The following SLCO2A1 variants were observed in gnomAD, a reference collection of about 807,000 sequenced individuals.
SLCO2A1 encodes solute carrier organic anion transporter family member 2A1.
SLCO2A1 carries 60 observed loss-of-function variants against 71.7 expected under a neutral mutation model. That is an observed-to-expected ratio of 0.84 (90% CI 0.68 to 1.04). The LOEUF is 1.04. Among genes scored for constraint, SLCO2A1 ranks in the 50% least tolerant of loss-of-function variants. The pLI is 0.00. For synonymous variants in SLCO2A1, 308 were observed against 326.7 expected, an observed-to-expected ratio of 0.94 and a Z score of 0.62; for missense variants, 745 against 813.4, an observed-to-expected ratio of 0.92 and a Z score of 1.02.
intron 3 of SLCO2A1, among the ~76,000 whole-genome samples, chr3:133,970,609 G>A (rs574714052): frequency 1.6e-4 from 25 of 152,320 alleles, no homozygotes; most frequent in African/African-American, 4.8e-4. Context: ...CAGCTAGATC[G>A]CATGGATGAG....
At chr3:133,957,016 G>C (rs1933914084) in intron 3 of SLCO2A1, among the ~76,000 whole-genome samples, 1 of 152,190 alleles carries the variant, frequency 6.6e-6, no homozygotes, top group East Asian at 1.9e-4. Context: ...CAAGGTTTTT[G>C]TAAATAAATA....
chr3:134,007,058 G>T (rs1023681248), intron 1 of SLCO2A1, among the ~76,000 whole-genome samples: 1 of 152,104 alleles, frequency 6.6e-6, no homozygotes, highest in African/African-American at 2.4e-5. Context: ...GTTTTGATTT[G>T]TATTTCTCTA....
At chr3:134,000,103 G>A (rs1431998501) in intron 1 of SLCO2A1, among the ~76,000 whole-genome samples, 1 of 152,226 alleles carries the variant, frequency 6.6e-6, no homozygotes, top group African/African-American at 2.4e-5. Context: ...ATTAGGAGAT[G>A]TGGGGGATGA....
intron 3 of SLCO2A1, among the ~76,000 whole-genome samples, chr3:133,957,123 G>A (rs912126899): frequency 6.6e-6 from 1 of 152,176 alleles, no homozygotes; most frequent in Non-Finnish European, 1.5e-5. Context: ...CAGTGGAGCT[G>A]AGTCTCTGCC....
intron 10 of SLCO2A1, among the ~76,000 whole-genome samples, chr3:133,943,745 C>T (rs1259291993): frequency 6.6e-6 from 1 of 152,216 alleles, no homozygotes; most frequent in South Asian, 2.1e-4. Context: ...ACAGAAGCCA[C>T]CACAACTGGA....
intron 8 of SLCO2A1, among the ~76,000 whole-genome samples, chr3:133,947,842 G>T (rs1301940202): frequency 6.6e-6 from 1 of 152,164 alleles, no homozygotes. Flanking sequence ...CCACAGCCAA[G>T]GACCAGCCAG....
chr3:133,942,635 G>T lies in SLCO2A1; in HGVS notation c.1595C>A (p.Ser532Tyr). 5 of 1,613,830 alleles carry T rather than the reference G, an allele frequency of 3.1e-6. No homozygotes were observed. Among genetic ancestry groups the T allele is most frequent in the Non-Finnish European group, 3.4e-6 (4 of 1,179,894 alleles). Reference protein sequence around the residue: ...ISFVSLIACISHNPLYMMVLR... With the variant: ...ISFVSLIACIYHNPLYMMVLR... ...AACCATCATGTAGAGGGGGTTGTGG[G>T]AGATGCAGGCTATCAGGGACACGAA... The change falls in exon 11 of 14, where the codon TCC becomes TAC. Residue 532 changes from serine (S) to tyrosine (Y), a missense_variant. By Grantham distance (144) the Ser-to-Tyr change is moderately radical. Coordinates refer to ENST00000310926, the MANE Select transcript of SLCO2A1 (RefSeq NM_005630.3).
intron 1 of SLCO2A1, among the ~76,000 whole-genome samples, chr3:134,000,326 T>A (rs1472841121): frequency 6.6e-6 from 1 of 152,010 alleles, no homozygotes; most frequent in East Asian, 1.9e-4. Flanking sequence ...CTCTCTTCAA[T>A]TCCACAGAGA....
chr3:134,009,303 A>G (rs947274657), intron 1 of SLCO2A1, among the ~76,000 whole-genome samples: 1 of 152,162 alleles, frequency 6.6e-6, no homozygotes, highest in Admixed American at 6.5e-5. Flanking sequence ...AATTTGGATC[A>G]TCTCTACATG....
chr3:134,021,546 G>A (rs1199468280), intron 1 of SLCO2A1, among the ~76,000 whole-genome samples: 1 of 151,920 alleles, frequency 6.6e-6, no homozygotes, highest in Non-Finnish European at 1.5e-5. Context: ...ATAAGTGGCT[G>A]GCAGAGGCAA....
intron 1 of SLCO2A1, among the ~76,000 whole-genome samples, chr3:134,007,341 T>G (rs1039002590): frequency 4.6e-5 from 7 of 152,224 alleles, no homozygotes; most frequent in Non-Finnish European, 8.8e-5. Context: ...AATTTATCTA[T>G]TTTAACTTTT....
rs142311084 is a variant in SLCO2A1 at position 133,945,336 on chromosome 3, G to A, written c.1296-76C>T. 1.0e-4 allele frequency: 146 copies of A among 1,401,962 alleles called. No homozygotes were observed. The South Asian group carries it at 1.6e-3, about 15-fold the overall frequency. 86.8% of individuals were successfully genotyped at this position (1,401,962 alleles called of 1,614,324 possible). On this transcript the variant is annotated intron_variant, in intron 9 of 13. Coordinates refer to ENST00000310926, the MANE Select transcript of SLCO2A1 (RefSeq NM_005630.3). Reference sequence around the variant, plus strand: ...AACCCTACACTCCAGCCCAGTGTGAGTTCCTGGCCTGGTGAGTGTGTCTGT... The same window carrying A: ...AACCCTACACTCCAGCCCAGTGTGAATTCCTGGCCTGGTGAGTGTGTCTGT...
intron 1 of SLCO2A1, among the ~76,000 whole-genome samples, chr3:133,985,443 C>T (rs928092205): frequency 1.3e-5 from 2 of 152,168 alleles, no homozygotes; most frequent in African/African-American, 4.8e-5. Flanking sequence ...TTTTATAAAA[C>T]ACCTTTGGTA....
At chr3:133,956,044 A>G (rs746259299) in intron 3 of SLCO2A1, among the ~76,000 whole-genome samples, 1 of 152,102 alleles carries the variant, frequency 6.6e-6, no homozygotes, top group Non-Finnish European at 1.5e-5. Context: ...CTAAGCAATC[A>G]GCATTGGCAG....
intron 3 of SLCO2A1, among the ~76,000 whole-genome samples, chr3:133,961,659 T>C (rs1255038079): frequency 6.6e-6 from 1 of 152,162 alleles, no homozygotes; most frequent in East Asian, 1.9e-4. Context: ...AAATGTCGGA[T>C]TACATGTCAG....
At chr3:134,027,108 T>C (rs983427566) in intron 1 of SLCO2A1, among the ~76,000 whole-genome samples, 35 of 152,172 alleles carry the variant, frequency 2.3e-4, no homozygotes, top group African/African-American at 8.2e-4. Context: ...TCGATCTGTC[T>C]TGCAAGAAGA....
intron 3 of SLCO2A1, among the ~76,000 whole-genome samples, chr3:133,963,336 C>T (rs1462952127): frequency 6.6e-6 from 1 of 152,162 alleles, no homozygotes; most frequent in Admixed American, 6.5e-5. Flanking sequence ...CGCTCCGTCC[C>T]ACCCCTCGGG....
At chr3:134,027,687 C>G (rs983800088) in intron 1 of SLCO2A1, among the ~76,000 whole-genome samples, 1 of 152,244 alleles carries the variant, frequency 6.6e-6, no homozygotes, top group Non-Finnish European at 1.5e-5. Context: ...ACCCATCCCC[C>G]ACTGCAAAGT....
intron 1 of SLCO2A1, among the ~76,000 whole-genome samples, chr3:134,007,374 T>C (rs1440711773): frequency 6.6e-6 from 1 of 152,256 alleles, no homozygotes; most frequent in Non-Finnish European, 1.5e-5. Context: ...TTCAGTATCA[T>C]ATCCAAGAAA....
Sources: allele counts gnomAD v4.1 joint callset (sites outside exome capture counted in the v4.1 genomes callset), GRCh38; gene constraint gnomAD v4.1.1; transcripts MANE v1.5; gene names NCBI Gene and HGNC (gene_info 2026-07-23, HGNC 2026-07-21).